NYAP2: variants seen among roughly 807,000 people sequenced by gnomAD.
NYAP2 encodes neuronal tyrosine-phosphorylated phosphoinositide-3-kinase adaptor 2.
NYAP2 carries 23 observed loss-of-function variants against 50.4 expected under a neutral mutation model. The ratio of observed to expected loss-of-function variants is 0.46; its 90% CI spans 0.33 to 0.65. The LOEUF (loss-of-function observed/expected upper bound fraction) is 0.65, where lower values mean the gene tolerates loss of function less well. Among genes scored for constraint, NYAP2 ranks in the 30% least tolerant of loss-of-function variants. The pLI is 0.02. For synonymous variants in NYAP2, 394 were observed against 365.2 expected, an observed-to-expected ratio of 1.08 and a Z score of -0.90; for missense variants, 885 against 861.0, an observed-to-expected ratio of 1.03 and a Z score of -0.35.
chr2:225,571,321 T>C (rs1157934350), intron 4 of NYAP2, among the ~76,000 whole-genome samples: 5 of 152,232 alleles, frequency 3.3e-5, no homozygotes, highest in Non-Finnish European at 7.3e-5. Context: ...GTGGGGACTC[T>C]GTATGGGGGC....
intron 3 of NYAP2, among the ~76,000 whole-genome samples, chr2:225,435,039 T>C (rs1689352916): frequency 6.6e-6 from 1 of 152,212 alleles, no homozygotes; most frequent in African/African-American, 2.4e-5. Context: ...AAAAGTTTAT[T>C]TTATCTCATG....
At chr2:225,572,024 GCAAGAAT>G (rs1446054730) in intron 4 of NYAP2, among the ~76,000 whole-genome samples, 4 of 152,192 alleles carry the variant, frequency 2.6e-5, no homozygotes, top group Non-Finnish European at 4.4e-5. Flanking sequence ...CTAAAGCATA[GCAAGAAT>G]CACCTTTGCT....
the NYAP2 span, chr2:225,701,055 T>C: frequency 1.3e-5 from 2 of 151,850 alleles, no homozygotes; most frequent in Admixed American, 6.6e-5. Flanking sequence ...GGAAAGTGAC[T>C]GAAAGATCTG....
At chr2:225,479,104 C>T (rs1210202064) in intron 3 of NYAP2, among the ~76,000 whole-genome samples, 4 of 151,956 alleles carry the variant, frequency 2.6e-5, no homozygotes, top group South Asian at 2.1e-4. Context: ...GAACAGTCAA[C>T]GAGTGGGAGC....
intron 4 of NYAP2, among the ~76,000 whole-genome samples, chr2:225,534,926 C>G (rs1160373030): frequency 2.0e-5 from 3 of 152,206 alleles, no homozygotes; most frequent in Non-Finnish European, 4.4e-5. Context: ...GCCAGAGACA[C>G]TGCTATGGAA....
chr2:225,508,846 C>T (rs1401985528), intron 3 of NYAP2, among the ~76,000 whole-genome samples: 3 of 152,194 alleles, frequency 2.0e-5, no homozygotes, highest in Non-Finnish European at 4.4e-5. Context: ...CGGCAGCTGG[C>T]AGCTGACTGC....
intron 4 of NYAP2, among the ~76,000 whole-genome samples, chr2:225,516,002 G>A (rs550281732): frequency 1.8e-4 from 27 of 152,270 alleles, no homozygotes; most frequent in South Asian, 6.2e-4. Flanking sequence ...TCTAGAAAGC[G>A]TGTAAAATAC....
chr2:225,584,898 G>T (rs1692363003), intron 5 of NYAP2, among the ~76,000 whole-genome samples: 1 of 152,216 alleles, frequency 6.6e-6, no homozygotes, highest in African/African-American at 2.4e-5. Context: ...TAGAGCAGTT[G>T]TCAACTAGGG....
At chr2:225,500,004 C>A (rs1327183467) in intron 3 of NYAP2, among the ~76,000 whole-genome samples, 2 of 151,828 alleles carry the variant, frequency 1.3e-5, no homozygotes, top group Non-Finnish European at 2.9e-5. Context: ...GAAGAATATA[C>A]CATGGAGAAT....
At chr2:225,454,807 G>A (rs747600511) in intron 3 of NYAP2, among the ~76,000 whole-genome samples, 4 of 152,042 alleles carry the variant, frequency 2.6e-5, no homozygotes, top group Admixed American at 6.6e-5. Flanking sequence ...AGTGTCTTCC[G>A]CGAAACCAGT....
chr2:225,506,067 A>G (rs190817841), intron 3 of NYAP2, among the ~76,000 whole-genome samples: 107 of 152,306 alleles, frequency 7.0e-4, no homozygotes, highest in Middle Eastern at 3.4e-3. Context: ...GAGAAAAAAA[A>G]AAGATTCCCT....
chr2:225,591,407 A>G (rs541337077), intron 5 of NYAP2, among the ~76,000 whole-genome samples: 14 of 152,270 alleles, frequency 9.2e-5, no homozygotes, highest in Admixed American at 6.5e-4. Flanking sequence ...GGTTTGTCTC[A>G]GGAACAATAG....
At chr2:225,639,298 A>T (rs1291346329) in intron 6 of NYAP2, among the ~76,000 whole-genome samples, 1 of 152,192 alleles carries the variant, frequency 6.6e-6, no homozygotes, top group African/African-American at 2.4e-5. Flanking sequence ...GATTATATAT[A>T]ACCTGAGTTG....
intron 3 of NYAP2, among the ~76,000 whole-genome samples, chr2:225,474,733 A>G (rs933504983): frequency 9.9e-5 from 15 of 152,220 alleles, no homozygotes; most frequent in African/African-American, 3.6e-4. Flanking sequence ...GGTTTTCTAG[A>G]TATACAATCA....
At chr2:225,593,063 T>C (rs1381977434) in intron 5 of NYAP2, among the ~76,000 whole-genome samples, 1 of 152,202 alleles carries the variant, frequency 6.6e-6, no homozygotes, top group Non-Finnish European at 1.5e-5. Context: ...TAATTTCTGT[T>C]TTTTTAGAGA....
At chr2:225,513,641 T>TAAG in exon 4 of NYAP2, 8 of 1,523,640 alleles carry the variant, frequency 5.3e-6, no homozygotes, top group Non-Finnish European at 7.0e-6. Context: ...CTGCAGCCAG[T>TAAG]AAGAGCGGGA....
At chr2:225,562,394 G>A (rs1323250559) in intron 4 of NYAP2, among the ~76,000 whole-genome samples, 1 of 152,084 alleles carries the variant, frequency 6.6e-6, no homozygotes, top group African/African-American at 2.4e-5. Context: ...TATGAATTTA[G>A]GAATTTCTGT....
At chr2:225,673,004 G>C in the NYAP2 span, among the ~76,000 whole-genome samples, 4 of 151,436 alleles carry the variant, frequency 2.6e-5, no homozygotes, top group Admixed American at 2.6e-4. Context: ...AAACATACCT[G>C]AGACTGGGGA....
chr2:225,628,446 C>T (rs921643600), intron 6 of NYAP2, among the ~76,000 whole-genome samples: 1 of 151,552 alleles, frequency 6.6e-6, no homozygotes, highest in Non-Finnish European at 1.5e-5. Flanking sequence ...CTCAGCCTCC[C>T]TAGTAGCTGG....
Sources: gnomAD v4.1 joint callset for allele counts (sites outside exome capture counted in the v4.1 genomes callset) on GRCh38, gnomAD v4.1.1 for gene constraint, MANE v1.5 for transcripts, NCBI Gene and HGNC (gene_info 2026-07-23, HGNC 2026-07-21) for gene names.